Variants in DHRSX observed in about 807,000 individuals in gnomAD.
DHRSX encodes the protein dehydrogenase/reductase X-linked, also known as polyprenol dehydrogenase.
In DHRSX, 31 loss-of-function variants were observed where a neutral mutation model predicts 34.0. The observed-to-expected ratio is 0.91, with a 90% CI of 0.69 to 1.23. The LOEUF (loss-of-function observed/expected upper bound fraction) is 1.23, where lower values mean the gene tolerates loss of function less well. Among genes scored for constraint, DHRSX ranks in the 50% most tolerant of loss-of-function variants. The probability of loss-of-function intolerance (pLI) is 0.00; values close to 1 mark genes in which losing one functional copy is unlikely to be tolerated. For missense variants in DHRSX, 414 were observed against 428.1 expected (o/e 0.97, Z 0.29); for synonymous variants, 201 against 183.8 (o/e 1.09, Z -0.76).
At chrX:2,304,414 C>T (rs961315974) in intron 3 of DHRSX, among the ~76,000 whole-genome samples, 13 of 151,886 alleles carry the variant, frequency 8.6e-5, no homozygotes, top group Admixed American at 6.6e-4. Flanking sequence ...GGATCTGTGT[C>T]CTCATTCAAA....
chrX:2,226,055 C>T (rs2015652624), intron 6 of DHRSX, among the ~76,000 whole-genome samples: 1 of 152,118 alleles, frequency 6.6e-6, no homozygotes, highest in Admixed American at 6.6e-5. Flanking sequence ...TCATCTTGGA[C>T]TTCCAGCCTC....
chrX:2,301,641 TTTG>T (rs1004919648), intron 3 of DHRSX, among the ~76,000 whole-genome samples: 13 of 152,080 alleles, frequency 8.5e-5, no homozygotes, highest in Non-Finnish European at 1.6e-4. Context: ...CACCTAGTTC[TTTG>T]TTGTTGTTGT....
At chrX:2,423,511 G>A (rs1432414859) in intron 2 of DHRSX, among the ~76,000 whole-genome samples, 2 of 152,156 alleles carry the variant, frequency 1.3e-5, no homozygotes, top group African/African-American at 4.8e-5. Context: ...AGGATTGCTG[G>A]AGCCCAGGAG....
chrX:2,386,156 A>AT (rs2043268501), intron 3 of DHRSX, among the ~76,000 whole-genome samples: 1 of 143,924 alleles, frequency 6.9e-6, no homozygotes, highest in Non-Finnish European at 1.5e-5. Flanking sequence ...TAGATAATCA[A>AT]TTATTTATTT....
rs192276949 is a variant in DHRSX at position 2,320,884 on chromosome X, G to C, written c.287-29281C>G. Among the ~76,000 whole-genome samples the C allele has an allele frequency of 5.3e-5, 8 of 152,078 alleles. No individual in the cohort carries two copies. The East Asian group carries it at 1.6e-3, about 29-fold the overall frequency. Reference sequence around the variant, plus strand: ...TTAAGTGCAAGACAGCAGCCATGACGTGTCGGTCCACGTACAGCCTGTCTG... The same window carrying C: ...TTAAGTGCAAGACAGCAGCCATGACCTGTCGGTCCACGTACAGCCTGTCTG... On this transcript the variant is annotated intron_variant, in intron 3 of 6. Coordinates refer to ENST00000334651, the MANE Select transcript of DHRSX (RefSeq NM_145177.3).
intron 4 of DHRSX, among the ~76,000 whole-genome samples, chrX:2,268,986 C>T (rs909859400): frequency 8.5e-5 from 13 of 152,160 alleles, no homozygotes; most frequent in Non-Finnish European, 1.9e-4. Context: ...CATATGGACA[C>T]GTTTGTGTTC....
In DHRSX at chrX:2,410,292, G is replaced by A. The variant is rs181396344; in HGVS notation, c.218-1479C>T. ...AAAACTCCCTTTCAGGGAGGGTCAC[G>A]GAAAAAGTGTTGAGAGAAGGGAGAT... On this transcript the variant is annotated intron_variant, in intron 2 of 6. Transcript: ENST00000334651. Among the ~76,000 whole-genome samples, 43 of 152,208 alleles carry A rather than the reference G, an allele frequency of 2.8e-4. No individual in the cohort carries two copies. In the East Asian group the frequency reaches 8.3e-3, roughly 30 times the overall value.
intron 1 of DHRSX, among the ~76,000 whole-genome samples, chrX:2,428,973 A>G (rs765956300): frequency 5.9e-5 from 9 of 152,196 alleles, no homozygotes; most frequent in Admixed American, 2.0e-4. Flanking sequence ...CGTTGTCAGT[A>G]TTGTGCGAAC....
chrX:2,360,329 A>C (rs1317923776), intron 3 of DHRSX, among the ~76,000 whole-genome samples: 24 of 152,174 alleles, frequency 1.6e-4, no homozygotes, highest in Admixed American at 1.2e-3. Context: ...TCACGCCTGT[A>C]ATCCCAGCAC....
chrX:2,485,772 GAAGGGAGAA>G lies in DHRSX; in HGVS notation c.109+15036_109+15044del, dbSNP rs2044892486. 4.6e-4 allele frequency among the ~76,000 whole-genome samples: 10 copies of G among 21,940 alleles called. No homozygotes were observed. In the East Asian group the frequency reaches 0.013, roughly 28 times the overall value. 14.4% of individuals were successfully genotyped at this position (21,940 alleles called of 152,430 possible). ...GAGGGAAGGAAGGGAGAGAAGGAAG[GAAGGGAGAA>G]AAGGGAGAGAAGGGAGAGAAGGAAG... On this transcript the variant is annotated intron_variant, in intron 1 of 6. Transcript: ENST00000334651.
chrX:2,466,700 C>A (rs1258886235), intron 1 of DHRSX, among the ~76,000 whole-genome samples: 3 of 152,048 alleles, frequency 2.0e-5, no homozygotes, highest in Non-Finnish European at 1.5e-5. Context: ...TTATTACCTG[C>A]ATGATGAAAT....
chrX:2,317,254 G>A (rs1012788699), intron 3 of DHRSX, among the ~76,000 whole-genome samples: 1 of 38,116 alleles, frequency 2.6e-5, no homozygotes, highest in African/African-American at 1.7e-4. Context: ...CACCGCGCCT[G>A]GCTTTTTTTT....
chrX:2,317,286 G>C (rs112751918), intron 3 of DHRSX, among the ~76,000 whole-genome samples: 70,010 of 129,500 alleles, frequency 0.54, 19,414 homozygotes, highest in African/African-American at 0.65. Context: ...GAGTCTTGCT[G>C]TGTGGCCCAG....
At chrX:2,309,595 T>A (rs2042140054) in intron 3 of DHRSX, among the ~76,000 whole-genome samples, 1 of 152,190 alleles carries the variant, frequency 6.6e-6, no homozygotes, top group Admixed American at 6.6e-5. Flanking sequence ...TTAGTCAACC[T>A]TGTAACCCAA....
At chrX:2,421,162 T>C (rs1017145448) in intron 2 of DHRSX, among the ~76,000 whole-genome samples, 5 of 152,124 alleles carry the variant, frequency 3.3e-5, no homozygotes, top group African/African-American at 1.2e-4. Context: ...GCAGATCGCT[T>C]GAACTCAGGT....
chrX:2,440,434 T>G (rs2124666150), intron 1 of DHRSX, among the ~76,000 whole-genome samples: 1 of 152,122 alleles, frequency 6.6e-6, no homozygotes, highest in South Asian at 2.1e-4. Context: ...GCTCCTAGGC[T>G]CAAGCAATCC....
At chrX:2,428,564 G>A (rs947344314) in intron 1 of DHRSX, among the ~76,000 whole-genome samples, 3 of 152,138 alleles carry the variant, frequency 2.0e-5, no homozygotes, top group Admixed American at 6.5e-5. Flanking sequence ...AGTGGGAGTT[G>A]AACAATGAGA....
chrX:2,359,768 T>C (rs1318920770), intron 3 of DHRSX, among the ~76,000 whole-genome samples: 1 of 152,180 alleles, frequency 6.6e-6, no homozygotes, highest in African/African-American at 2.4e-5. Flanking sequence ...ATCATGTCCT[T>C]TGCAGAAACA....
intron 1 of DHRSX, among the ~76,000 whole-genome samples, chrX:2,446,540 C>A (rs1422582140): frequency 6.6e-6 from 1 of 151,448 alleles, no homozygotes; most frequent in African/African-American, 2.4e-5. Flanking sequence ...CAAGAGACCA[C>A]CGCCATGTAC....
Sources: gnomAD v4.1 joint callset for allele counts (sites outside exome capture counted in the v4.1 genomes callset) on GRCh38, gnomAD v4.1.1 for gene constraint, MANE v1.5 for transcripts, NCBI Gene and HGNC (gene_info 2026-07-23, HGNC 2026-07-21) for gene names.